NECTIN3: variants seen among roughly 807,000 people sequenced by gnomAD.
NECTIN3 encodes the protein nectin-3.
In NECTIN3, 8 loss-of-function variants were observed where a neutral mutation model predicts 49.4. The observed-to-expected ratio is 0.16, with a 90% CI of 0.10 to 0.29. The LOEUF is 0.29. Among genes scored for constraint, NECTIN3 ranks in the 10% least tolerant of loss-of-function variants. NECTIN3 has a pLI of 1.00. For synonymous variants in NECTIN3, 277 were observed against 241.1 expected (o/e 1.15, Z -1.38); for missense variants, 581 against 654.6 (o/e 0.89, Z 1.23).
intron 6 of NECTIN3, chr3:111,147,348 CT>C (rs565492723): frequency 0.17 from 153,386 of 907,792 alleles, 6 homozygotes; most frequent in South Asian, 0.21. Context: ...TTTTCTTTTG[CT>C]TTTTTTTTTT....
rs2030764796 is a variant in NECTIN3 at position 111,071,970 on chromosome 3, G to A, written c.-48G>A. On this transcript the variant is annotated 5_prime_UTR_variant, in exon 1 of 6. Coordinates refer to ENST00000485303, the MANE Select transcript of NECTIN3 (RefSeq NM_015480.3). ...CCCAGAGCCTGAGGCGCCGGGGCCG[G>A]GGGAGCCGGGGGGCGGGCGGGCGAG... 3 of 1,351,608 alleles carry A rather than the reference G, an allele frequency of 2.2e-6. No homozygotes were observed. Among genetic ancestry groups the A allele is most frequent in the Non-Finnish European group, 2.9e-6 (3 of 1,038,996 alleles). The allele number at this position is 1,351,608 out of a possible 1,614,324, so 83.7% of individuals were successfully genotyped here.
At chr3:111,132,955 T>C (rs1249053701) in intron 5 of NECTIN3, among the ~76,000 whole-genome samples, 2 of 151,998 alleles carry the variant, frequency 1.3e-5, no homozygotes, top group Middle Eastern at 3.4e-3. Flanking sequence ...TTTAAACATA[T>C]GCTTTTTTAT....
chr3:111,163,014 A>G (rs374180139), intron 7 of NECTIN3, among the ~76,000 whole-genome samples: 14 of 152,212 alleles, frequency 9.2e-5, no homozygotes, highest in African/African-American at 3.4e-4. Context: ...TGAAGTTGAC[A>G]GGGTACTTTA....
In NECTIN3 at chr3:111,134,537, A is replaced by G. The variant is rs2034510822; in HGVS notation, c.*322A>G. 1 of 990,424 alleles carries G rather than the reference A, an allele frequency of 1.0e-6. No individual in the cohort carries two copies. Among genetic ancestry groups the G allele is most frequent in the Admixed American group, 5.5e-5 (1 of 18,250 alleles). 61.4% of individuals were successfully genotyped at this position (990,424 alleles called of 1,614,324 possible). A position where few individuals can be genotyped will look rare whatever the true frequency, so the allele number is the denominator to read the frequency against. The stretch of plus-strand genomic sequence containing the variant: ...TTACTTGGTACAAAAATTTTTTAAA[A>G]AGGGAACTACCTTGACATTGTGTAT... On this transcript the variant is annotated 3_prime_UTR_variant, in exon 6 of 6. Transcript: ENST00000485303.
chr3:111,106,071 C>T (rs1378287625), intron 1 of NECTIN3, among the ~76,000 whole-genome samples: 1 of 150,820 alleles, frequency 6.6e-6, no homozygotes, highest in East Asian at 2.0e-4. Flanking sequence ...GTATAGGATA[C>T]CCTCTTGGTT....
At chr3:111,111,908 T>C (rs867216728) in intron 1 of NECTIN3, 122 bp from the exon 2 acceptor site, 1 of 280,956 alleles carries the variant, frequency 3.6e-6, no homozygotes. Flanking sequence ...CATGTGTGTG[T>C]GTGTGTGTGT....
chr3:111,175,728 G>A (rs1179104405), intron 7 of NECTIN3, among the ~76,000 whole-genome samples: 1 of 151,944 alleles, frequency 6.6e-6, no homozygotes, highest in Non-Finnish European at 1.5e-5. Flanking sequence ...TAACTTCCTG[G>A]GACCGAGGGA....
chr3:111,159,532 G>C (rs1445078464), intron 7 of NECTIN3, among the ~76,000 whole-genome samples: 1 of 151,916 alleles, frequency 6.6e-6, no homozygotes, highest in Non-Finnish European at 1.5e-5. Flanking sequence ...GTGATATTAT[G>C]AGTTACCTAA....
intron 1 of NECTIN3, among the ~76,000 whole-genome samples, chr3:111,075,548 A>G (rs1279630373): frequency 2.6e-5 from 4 of 152,136 alleles, no homozygotes; most frequent in Non-Finnish European, 5.9e-5. Flanking sequence ...AGCATTTATT[A>G]TATTGCGCAG....
intron 1 of NECTIN3, among the ~76,000 whole-genome samples, chr3:111,076,973 C>G (rs1359999400): frequency 7.2e-6 from 1 of 139,712 alleles, no homozygotes; most frequent in Non-Finnish European, 1.5e-5. Flanking sequence ...AAGACTCCGT[C>G]TCAAAAAAAA....
At chr3:111,129,691 C>T (rs892643974) in intron 5 of NECTIN3, among the ~76,000 whole-genome samples, 1 of 151,944 alleles carries the variant, frequency 6.6e-6, no homozygotes, top group Non-Finnish European at 1.5e-5. Context: ...CTCTGTCGCC[C>T]AGGCTGGAGT....
chr3:111,144,033 C>T (rs1018697706), intron 5 of NECTIN3, among the ~76,000 whole-genome samples: 57 of 152,000 alleles, frequency 3.8e-4, no homozygotes, highest in Admixed American at 2.9e-3. Flanking sequence ...AATACTTACA[C>T]GTAAAGATTG....
chr3:111,167,652 A>G (rs557147533), intron 7 of NECTIN3, among the ~76,000 whole-genome samples: 2 of 152,154 alleles, frequency 1.3e-5, no homozygotes, highest in Non-Finnish European at 2.9e-5. Context: ...ATGAGAGACT[A>G]TGCTGGGGAT....
intron 1 of NECTIN3, chr3:111,072,747 G>A: frequency 3.1e-6 from 2 of 650,446 alleles, no homozygotes; most frequent in South Asian, 1.9e-5. Flanking sequence ...AGCTTCTGGA[G>A]CTCTCTAGAT....
chr3:111,078,756 C>T (rs2107357730), intron 1 of NECTIN3, among the ~76,000 whole-genome samples: 1 of 152,266 alleles, frequency 6.6e-6, no homozygotes, highest in East Asian at 1.9e-4. Flanking sequence ...TTTTTCCTCT[C>T]TTCAGTTCTA....
At position 111,072,159 on chromosome 3, in the gene NECTIN3, C is replaced by A; in HGVS notation, c.142C>A (p.Leu48Ile). ...GCTGCTGCTGCTCTTCCCGCTGCTG[C>A]TCTTCTCCAGGCTCTGTGGTAGGTG... ...PLLLLLFPLL[L>I]FSRLCGALAG... The change falls in exon 1 of 6, where the codon CTC (leucine) becomes ATC (isoleucine). Residue 48 changes from leucine (L) to isoleucine (I), a missense_variant. Coordinates refer to ENST00000485303, the MANE Select transcript of NECTIN3 (RefSeq NM_015480.3). 1 of 1,555,060 alleles carries A rather than the reference C, an allele frequency of 6.4e-7. No homozygotes were observed. The highest frequency in any genetic ancestry group is 1.2e-5 in the South Asian group (1 of 84,302).
In NECTIN3 at chr3:111,134,225, A is replaced by G; in HGVS notation, c.*10A>G. On this transcript the variant is annotated 3_prime_UTR_variant, in exon 6 of 6. Coordinates refer to ENST00000485303, the MANE Select transcript of NECTIN3 (RefSeq NM_015480.3). ...GGAGTGGTATGTTTAGCAACCACTG[A>G]ATGTGACTTAACTATGTACAATGTT... 1 of 1,575,672 alleles carries G rather than the reference A, an allele frequency of 6.3e-7. No individual in the cohort carries two copies. The highest frequency in any genetic ancestry group is 1.4e-5 in the African/African-American group (1 of 73,824).
chr3:111,153,223 A>G (rs2035034257), intron 7 of NECTIN3, among the ~76,000 whole-genome samples: 1 of 151,990 alleles, frequency 6.6e-6, no homozygotes, highest in Non-Finnish European at 1.5e-5. Flanking sequence ...TGAGACAAGT[A>G]GTGAAAGAAT....
chr3:111,151,728 A>G (rs1159344185), intron 7 of NECTIN3, among the ~76,000 whole-genome samples: 1 of 151,954 alleles, frequency 6.6e-6, no homozygotes, highest in South Asian at 2.1e-4. Flanking sequence ...AATTTACTAT[A>G]GTATATTGCA....
Sources: allele counts gnomAD v4.1 joint callset (sites outside exome capture counted in the v4.1 genomes callset), GRCh38; gene constraint gnomAD v4.1.1; transcripts MANE v1.5; gene names NCBI Gene and HGNC (gene_info 2026-07-23, HGNC 2026-07-21).